DCC: variants seen among roughly 807,000 people sequenced by gnomAD.
DCC encodes DCC netrin 1 receptor.
Under a neutral mutation model 172.5 loss-of-function variants are expected in DCC, and 58 were observed. The ratio of observed to expected loss-of-function variants is 0.34; its 90% CI spans 0.27 to 0.42. The LOEUF (loss-of-function observed/expected upper bound fraction) is 0.42. Ranked by LOEUF, DCC falls within the 10% of genes least tolerant of loss-of-function variation. DCC has a pLI of 1.00. For missense variants in DCC, 1,740 were observed against 1,791.0 expected, an observed-to-expected ratio of 0.97 and a Z score of 0.51; for synonymous variants, 709 against 644.5, an observed-to-expected ratio of 1.10 and a Z score of -1.52.
intron 1 of DCC, among the ~76,000 whole-genome samples, chr18:52,699,231 G>C (rs1418537068): frequency 6.6e-6 from 1 of 152,094 alleles, no homozygotes; most frequent in Non-Finnish European, 1.5e-5. Flanking sequence ...CTTTATGACC[G>C]GGAGCCTCAG....
intron 5 of DCC, among the ~76,000 whole-genome samples, chr18:52,991,264 C>CT (rs1236591501): frequency 2.1e-4 from 32 of 152,028 alleles, no homozygotes; most frequent in South Asian, 1.7e-3. Flanking sequence ...TTAAATTTAT[C>CT]TTTTTTTGTT....
At chr18:53,280,276 C>T (rs1411811357) in intron 12 of DCC, among the ~76,000 whole-genome samples, 2 of 152,006 alleles carry the variant, frequency 1.3e-5, no homozygotes, top group South Asian at 2.1e-4. Context: ...TGTTTTCTTT[C>T]CCTGTGTTGG....
intron 27 of DCC, among the ~76,000 whole-genome samples, chr18:53,512,816 A>C (rs2144543942): frequency 6.6e-6 from 1 of 151,634 alleles, no homozygotes; most frequent in Admixed American, 6.5e-5. Context: ...CTATGTGAAA[A>C]GACCAAATCT....
At chr18:53,091,153 A>G (rs1002263619) in intron 7 of DCC, among the ~76,000 whole-genome samples, 1 of 152,058 alleles carries the variant, frequency 6.6e-6, no homozygotes, top group Admixed American at 6.6e-5. Flanking sequence ...GGTAAGCTGA[A>G]GAACGTAAAT....
At chr18:52,738,043 A>G (rs1395019957) in intron 1 of DCC, among the ~76,000 whole-genome samples, 3 of 152,146 alleles carry the variant, frequency 2.0e-5, no homozygotes, top group Non-Finnish European at 4.4e-5. Flanking sequence ...TATCTTTTAC[A>G]TGGCAACATA....
chr18:53,247,578 A>G (rs201477359), intron 12 of DCC, among the ~76,000 whole-genome samples: 5 of 151,442 alleles, frequency 3.3e-5, no homozygotes, highest in Admixed American at 1.3e-4. Context: ...TACTTTGTTT[A>G]TTTGTTTAGA....
At chr18:53,317,204 T>G (rs549254733) in intron 13 of DCC, among the ~76,000 whole-genome samples, 95 of 152,346 alleles carry the variant, frequency 6.2e-4, no homozygotes, top group Non-Finnish European at 1.0e-3. Flanking sequence ...GAGGTAATCA[T>G]GTAGGTTTTG....
At chr18:52,943,375 G>A (rs1332405928) in intron 5 of DCC, among the ~76,000 whole-genome samples, 1 of 152,068 alleles carries the variant, frequency 6.6e-6, no homozygotes, top group Non-Finnish European at 1.5e-5. Flanking sequence ...TAATTACTGT[G>A]CATATTTAAT....
intron 1 of DCC, among the ~76,000 whole-genome samples, chr18:52,370,848 AGAAAG>A (rs1363748594): frequency 1.3e-5 from 2 of 152,250 alleles, no homozygotes; most frequent in Non-Finnish European, 2.9e-5. Flanking sequence ...TTGATGGAGA[AGAAAG>A]GAATAAGATG....
At chr18:52,453,496 A>AGT (rs1331035312) in intron 1 of DCC, among the ~76,000 whole-genome samples, 1 of 152,188 alleles carries the variant, frequency 6.6e-6, no homozygotes, top group East Asian at 1.9e-4. Flanking sequence ...TACCCATAAA[A>AGT]GGTTTTCATT....
At chr18:53,015,835 C>G (rs1488292948) in intron 5 of DCC, among the ~76,000 whole-genome samples, 1 of 151,916 alleles carries the variant, frequency 6.6e-6, no homozygotes, top group Non-Finnish European at 1.5e-5. Context: ...TAAGAAAATT[C>G]CATTACAGTC....
At chr18:53,021,312 T>A (rs2041878863) in intron 5 of DCC, among the ~76,000 whole-genome samples, 3 of 152,150 alleles carry the variant, frequency 2.0e-5, no homozygotes, top group African/African-American at 7.2e-5. Context: ...ATGGAGAGCA[T>A]GAATTGGAAG....
intron 1 of DCC, among the ~76,000 whole-genome samples, chr18:52,397,887 A>T (rs1986290897): frequency 6.6e-6 from 1 of 152,006 alleles, no homozygotes; most frequent in Non-Finnish European, 1.5e-5. Context: ...TGGCCACGGA[A>T]TATCTGTCCA....
intron 1 of DCC, among the ~76,000 whole-genome samples, chr18:52,427,465 A>C (rs1299424259): frequency 1.3e-5 from 2 of 152,164 alleles, no homozygotes; most frequent in Non-Finnish European, 2.9e-5. Flanking sequence ...GATTTGGATC[A>C]GTTATACCCA....
At chr18:52,893,107 G>A (rs115192185) in intron 2 of DCC, among the ~76,000 whole-genome samples, 3,055 of 152,016 alleles carry the variant, frequency 0.02, 79 homozygotes, top group African/African-American at 0.056. Context: ...AAAGGCTTTG[G>A]GCAGACTACT....
intron 22 of DCC, among the ~76,000 whole-genome samples, chr18:53,442,960 C>G (rs1450545217): frequency 6.6e-6 from 1 of 152,154 alleles, no homozygotes; most frequent in African/African-American, 2.4e-5. Flanking sequence ...GAATTGGAAG[C>G]TGGCAGAAGT....
intron 2 of DCC, among the ~76,000 whole-genome samples, chr18:52,765,034 T>TTC (rs200038019): frequency 0.11 from 15,998 of 146,858 alleles, 2,888 homozygotes; most frequent in African/African-American, 0.38. Flanking sequence ...TTTTTTTTCT[T>TTC]TTTTTTTTTT....
intron 1 of DCC, among the ~76,000 whole-genome samples, chr18:52,492,172 A>T (rs59630878): frequency 0.057 from 8,693 of 152,072 alleles, 308 homozygotes; most frequent in South Asian, 0.12. Flanking sequence ...CATTAGATTT[A>T]GCAACACAAC....
intron 2 of DCC, among the ~76,000 whole-genome samples, chr18:52,882,183 T>C (rs899907723): frequency 1.3e-5 from 2 of 152,134 alleles, no homozygotes; most frequent in African/African-American, 2.4e-5. Flanking sequence ...GTTCTAATAG[T>C]TGTTTTAGGG....
Sources: gnomAD v4.1 joint callset for allele counts (sites outside exome capture counted in the v4.1 genomes callset) on GRCh38, gnomAD v4.1.1 for gene constraint, MANE v1.5 for transcripts, NCBI Gene and HGNC (gene_info 2026-07-23, HGNC 2026-07-21) for gene names.